TBC1D1: variants seen among roughly 807,000 people sequenced by gnomAD.
The protein encoded by TBC1D1 is TBC1 domain family member 1, also known as TBC1 (tre-2/USP6, BUB2, cdc16) domain family, member 1.
TBC1D1 carries 89 observed loss-of-function variants against 125.6 expected under a neutral mutation model. The ratio of observed to expected loss-of-function variants is 0.71; its 90% CI spans 0.60 to 0.85. TBC1D1 has a LOEUF of 0.85. Ranked by LOEUF, TBC1D1 falls within the 40% of genes least tolerant of loss-of-function variation. The pLI is 0.00. For synonymous variants in TBC1D1, 565 were observed against 564.1 expected, an observed-to-expected ratio of 1.00 and a Z score of -0.02; for missense variants, 1,377 against 1,469.2, an observed-to-expected ratio of 0.94 and a Z score of 1.03.
At chr4:38,028,863 T>C (rs1578337348) in intron 7 of TBC1D1, among the ~76,000 whole-genome samples, 4 of 152,168 alleles carry the variant, frequency 2.6e-5, no homozygotes, top group Admixed American at 2.6e-4. Context: ...ATTCCTTCTT[T>C]CCCCCAACAC....
At chr4:37,895,574 C>T (rs907170543) in intron 1 of TBC1D1, among the ~76,000 whole-genome samples, 3 of 152,138 alleles carry the variant, frequency 2.0e-5, no homozygotes, top group Non-Finnish European at 2.9e-5. Context: ...CATGGTAGCA[C>T]ACACCTGTAA....
Position 38,138,140 on chromosome 4 carries a change from AAT to A in TBC1D1, c.*807_*808del, listed in dbSNP as rs1491365900. 6.6e-6 allele frequency: 1 copy of A among 152,150 alleles called. No individual in the cohort carries two copies. Among genetic ancestry groups the A allele is most frequent in the East Asian group, 1.9e-4 (1 of 5,198 alleles). The allele number at this position is 152,150 out of a possible 1,614,324, so 9.4% of individuals were successfully genotyped here. A position where few individuals can be genotyped will look rare whatever the true frequency, so the allele number is the denominator to read the frequency against. ...TAAGGAAGTTTGTCTTTAAAAAAAA[AAT>A]AGAGTGTTTTCATACATTTTTGCTT... On this transcript the variant is annotated 3_prime_UTR_variant, in exon 20 of 20. Transcript: ENST00000261439.
intron 19 of TBC1D1, 136 bp downstream of exon 21, chr4:38,133,393 A>C: frequency 1.4e-6 from 1 of 714,500 alleles, no homozygotes; most frequent in South Asian, 2.2e-5. Context: ...AGTTGGGATC[A>C]AAGGTATCCC....
At chr4:37,991,792 T>C (rs1439841740) in intron 2 of TBC1D1, among the ~76,000 whole-genome samples, 1 of 152,208 alleles carries the variant, frequency 6.6e-6, no homozygotes, top group Non-Finnish European at 1.5e-5. Flanking sequence ...AGCCTGGCTC[T>C]GTGACCAGAT....
At chr4:38,002,796 GCTT>G (rs1467235952) in intron 2 of TBC1D1, among the ~76,000 whole-genome samples, 2 of 152,176 alleles carry the variant, frequency 1.3e-5, no homozygotes, top group African/African-American at 2.4e-5. Context: ...TTTAGATTGA[GCTT>G]CTCTACTGGG....
At chr4:38,070,631 A>AT (rs1428478051) in intron 12 of TBC1D1, among the ~76,000 whole-genome samples, 1 of 152,226 alleles carries the variant, frequency 6.6e-6, no homozygotes, top group African/African-American at 2.4e-5. Flanking sequence ...AAATGTGGGC[A>AT]TTTTTTCTAT....
At chr4:37,998,639 C>T (rs1738347384) in intron 2 of TBC1D1, among the ~76,000 whole-genome samples, 1 of 152,156 alleles carries the variant, frequency 6.6e-6, no homozygotes, top group Non-Finnish European at 1.5e-5. Flanking sequence ...ATCATGTTAC[C>T]TGTCTGTCCC....
At chr4:38,077,850 C>T (rs1755866113) in intron 12 of TBC1D1, among the ~76,000 whole-genome samples, 2 of 152,020 alleles carry the variant, frequency 1.3e-5, no homozygotes, top group Admixed American at 6.5e-5. Flanking sequence ...ACATGTTATG[C>T]GTCACCCTGG....
intron 18 of TBC1D1, among the ~76,000 whole-genome samples, chr4:38,126,304 A>G (rs1171191594): frequency 6.6e-6 from 1 of 152,256 alleles, no homozygotes; most frequent in East Asian, 1.9e-4. Flanking sequence ...TGCAACACAC[A>G]ACTGTGTAAC....
chr4:38,086,032 C>G (rs573668534), intron 12 of TBC1D1, among the ~76,000 whole-genome samples: 1 of 152,200 alleles, frequency 6.6e-6, no homozygotes, highest in Non-Finnish European at 1.5e-5. Context: ...TGGACTGATT[C>G]AGCAGGCCAA....
At chr4:37,909,896 C>T (rs1415453200) in intron 2 of TBC1D1, among the ~76,000 whole-genome samples, 2 of 152,188 alleles carry the variant, frequency 1.3e-5, no homozygotes, top group East Asian at 1.9e-4. Flanking sequence ...CTGTCTGTCA[C>T]ACTAGACAGA....
chr4:38,019,369 G>A (rs1743510477), intron 4 of TBC1D1, among the ~76,000 whole-genome samples: 1 of 152,128 alleles, frequency 6.6e-6, no homozygotes, highest in Non-Finnish European at 1.5e-5. Flanking sequence ...TTCCTTAAGT[G>A]GTAGCCTTAT....
chr4:37,986,601 G>A (rs1216006520), intron 2 of TBC1D1, among the ~76,000 whole-genome samples: 1 of 151,968 alleles, frequency 6.6e-6, no homozygotes, highest in African/African-American at 2.4e-5. Flanking sequence ...GCCCGCCACC[G>A]TGCCTGGCTA....
intron 13 of TBC1D1, among the ~76,000 whole-genome samples, chr4:38,090,549 A>G (rs1758256479): frequency 6.6e-6 from 1 of 152,124 alleles, no homozygotes. Context: ...GTGCTTTTTC[A>G]GTGATTTGCA....
chr4:37,977,597 A>C lies in TBC1D1; in HGVS notation c.418-36912A>C. On this transcript the variant is annotated intron_variant, in intron 2 of 19. Coordinates refer to ENST00000261439, the MANE Select transcript of TBC1D1 (RefSeq NM_015173.4). The surrounding 1 kb of genome is among the most constrained non-coding windows in gnomAD (Gnocchi z 4.3). ...CAGGCGCGGGGCTGGAACATTTGTA[A>C]CCTTCGGGCCGGGGCTGGGCCGGGC... 6.4e-6 allele frequency: 3 copies of C among 466,202 alleles called. No individual in the cohort carries two copies. Among genetic ancestry groups the C allele is most frequent in the South Asian group, 8.5e-5 (1 of 11,708 alleles). 28.9% of individuals were successfully genotyped at this position (466,202 alleles called of 1,614,324 possible).
intron 2 of TBC1D1, among the ~76,000 whole-genome samples, chr4:37,914,433 A>T (rs548797129): frequency 1.3e-5 from 2 of 151,974 alleles, no homozygotes; most frequent in African/African-American, 4.8e-5. Flanking sequence ...TTTTTCCATT[A>T]TCCCTCATCC....
rs548079533 is a variant in TBC1D1, at chr4:38,133,114, C to T, written c.3163C>T (p.Gln1055Ter). Residue 1055 changes from glutamine to a stop codon, truncating the protein, a stop_gained, in exon 19 of 20, where the codon CAA becomes TAA. Coordinates refer to ENST00000261439, the MANE Select transcript of TBC1D1 (RefSeq NM_015173.4). LOFTEE classifies it high-confidence loss of function. ...TGAAATGGACATCGCTAAACAGTTA[C>T]AAGCTTATGAAGTTGAGTACCACGT... 1.2e-6 allele frequency: 2 copies of T among 1,614,044 alleles called. No individual in the cohort carries two copies. Among genetic ancestry groups the T allele is most frequent in the East Asian group, 2.2e-5 (1 of 44,888 alleles).
chr4:37,909,179 C>A (rs1417835447), intron 2 of TBC1D1, among the ~76,000 whole-genome samples: 1 of 152,136 alleles, frequency 6.6e-6, no homozygotes, highest in African/African-American at 2.4e-5. Context: ...CGGCATAGGA[C>A]CTTGTGCCTC....
At chr4:38,113,269 C>T (rs990521742) in intron 15 of TBC1D1, among the ~76,000 whole-genome samples, 2 of 152,298 alleles carry the variant, frequency 1.3e-5, no homozygotes, top group South Asian at 2.1e-4. Flanking sequence ...AACACACACC[C>T]GTGAAGCCAG....
Sources: gnomAD v4.1 joint callset for allele counts (sites outside exome capture counted in the v4.1 genomes callset) on GRCh38, gnomAD v4.1.1 for gene constraint, Gnocchi (gnomAD v3.1) non-coding constraint, MANE v1.5 for transcripts, NCBI Gene and HGNC (gene_info 2026-07-23, HGNC 2026-07-21) for gene names.